The following FHIT variants were observed in gnomAD, a reference collection of about 807,000 sequenced individuals.
FHIT encodes the protein bis(5'-adenosyl)-triphosphatase.
In FHIT, 19 loss-of-function variants were observed where a neutral mutation model predicts 17.9. The observed-to-expected ratio is 1.06, with a 90% confidence interval of 0.74 to 1.56. The LOEUF (loss-of-function observed/expected upper bound fraction) is 1.56. FHIT is among the 40% of genes most tolerant of loss of function. The pLI, the probability that FHIT is intolerant of heterozygous loss-of-function variation, is 0.00. For synonymous variants in FHIT, 81 were observed against 69.7 expected (o/e 1.16, Z -0.81); for missense variants, 248 against 189.2 (o/e 1.31, Z -1.82).
intron 2 of FHIT, among the ~76,000 whole-genome samples, chr3:61,196,091 G>A (rs1296903669): frequency 1.3e-5 from 2 of 151,994 alleles, no homozygotes; most frequent in African/African-American, 4.8e-5. Flanking sequence ...TGGTAAGAGT[G>A]GAAAGGATCA....
At chr3:60,437,081 G>A (rs1175854098) in intron 5 of FHIT, among the ~76,000 whole-genome samples, 1 of 152,054 alleles carries the variant, frequency 6.6e-6, no homozygotes, top group African/African-American at 2.4e-5. Flanking sequence ...TCACAGGAGA[G>A]GCCAACTAAA....
intron 3 of FHIT, among the ~76,000 whole-genome samples, chr3:60,916,156 C>T (rs948468714): frequency 5.9e-5 from 9 of 152,104 alleles, no homozygotes; most frequent in African/African-American, 1.9e-4. Context: ...ACAGATTCTC[C>T]TATTGCTTGG....
At chr3:60,839,995 A>T (rs1390078216) in intron 3 of FHIT, among the ~76,000 whole-genome samples, 1 of 151,690 alleles carries the variant, frequency 6.6e-6, no homozygotes, top group Admixed American at 6.6e-5. Flanking sequence ...CTCAGAGGGG[A>T]CTTGATCTTA....
At chr3:60,411,574 T>G (rs1481744996) in intron 5 of FHIT, among the ~76,000 whole-genome samples, 1 of 152,168 alleles carries the variant, frequency 6.6e-6, no homozygotes, top group African/African-American at 2.4e-5. Flanking sequence ...TCTTTCTGGA[T>G]TGTGTCTTCT....
chr3:60,888,799 T>C (rs1705352617), intron 3 of FHIT, among the ~76,000 whole-genome samples: 1 of 152,220 alleles, frequency 6.6e-6, no homozygotes, highest in Non-Finnish European at 1.5e-5. Context: ...TATTTTGAGA[T>C]AATTATAGAT....
intron 4 of FHIT, among the ~76,000 whole-genome samples, chr3:60,539,726 G>A (rs2036117280): frequency 6.6e-6 from 1 of 152,034 alleles, no homozygotes; most frequent in African/African-American, 2.4e-5. Flanking sequence ...TCACTTATAG[G>A]TGGGAATTGA....
chr3:61,187,808 G>A (rs1202124466), intron 2 of FHIT, among the ~76,000 whole-genome samples: 1 of 152,208 alleles, frequency 6.6e-6, no homozygotes, highest in Non-Finnish European at 1.5e-5. Context: ...CATGGAAACT[G>A]AACAACCTGC....
At chr3:60,955,473 G>T (rs1467474825) in intron 3 of FHIT, among the ~76,000 whole-genome samples, 1 of 151,788 alleles carries the variant, frequency 6.6e-6, no homozygotes, top group Non-Finnish European at 1.5e-5. Context: ...CAAGTTCTAT[G>T]TATGCCATGA....
chr3:60,222,340 T>TA (rs1704001251), intron 5 of FHIT, among the ~76,000 whole-genome samples: 1 of 152,186 alleles, frequency 6.6e-6, no homozygotes, highest in African/African-American at 2.4e-5. Context: ...CTCCCTGTTC[T>TA]TCAACTTCAG....
rs139864190 is a variant in FHIT, at chr3:60,564,866, G to A, written c.-17-27887C>T. ...TACCAACTTGGTTGATAAAACAACA[G>A]CACTGTCAAAGACGATTAACTCTAA... On this transcript the variant is annotated intron_variant, in intron 4 of 9. Transcript: ENST00000492590. Among the ~76,000 whole-genome samples the A allele has an allele frequency of 1.0e-3, 159 of 152,278 alleles. 3 individuals carry two copies. Among genetic ancestry groups the A allele is most frequent in the South Asian group, 9.9e-3 (48 of 4,832 alleles).
chr3:60,081,407 T>C (rs1703278270), intron 5 of FHIT, among the ~76,000 whole-genome samples: 1 of 152,136 alleles, frequency 6.6e-6, no homozygotes, highest in African/African-American at 2.4e-5. Context: ...CTGATCCACT[T>C]ACTTCTCTGT....
chr3:60,267,844 T>C (rs1706663105), intron 5 of FHIT, among the ~76,000 whole-genome samples: 1 of 152,222 alleles, frequency 6.6e-6, no homozygotes, highest in Admixed American at 6.5e-5. Flanking sequence ...AGATGTGTGA[T>C]ATTCAGCCTA....
chr3:60,147,688 T>G (rs897388566), intron 5 of FHIT, among the ~76,000 whole-genome samples: 17 of 152,084 alleles, frequency 1.1e-4, no homozygotes, highest in Admixed American at 1.1e-3. Context: ...CTGAGCAAAT[T>G]TTTTTCCCCC....
intron 4 of FHIT, among the ~76,000 whole-genome samples, chr3:60,609,815 C>T (rs1238156256): frequency 6.6e-6 from 1 of 152,150 alleles, no homozygotes; most frequent in Non-Finnish European, 1.5e-5. Context: ...AATCTTCCTT[C>T]TATCAATCCG....
At chr3:60,053,145 C>T (rs1352477550) in intron 5 of FHIT, among the ~76,000 whole-genome samples, 1 of 151,824 alleles carries the variant, frequency 6.6e-6, no homozygotes, top group Non-Finnish European at 1.5e-5. Context: ...TGTTTTCCCT[C>T]TTTCTTAGCG....
chr3:59,908,704 G>C (rs1704700387), intron 8 of FHIT, among the ~76,000 whole-genome samples: 1 of 152,020 alleles, frequency 6.6e-6, no homozygotes, highest in African/African-American at 2.4e-5. Context: ...TTATAAGCCA[G>C]AATATGACTG....
At chr3:60,564,301 T>G (rs941026238) in intron 4 of FHIT, among the ~76,000 whole-genome samples, 1 of 152,172 alleles carries the variant, frequency 6.6e-6, no homozygotes, top group African/African-American at 2.4e-5. Flanking sequence ...TGCTTACTGA[T>G]GATGTACCTG....
At chr3:60,434,967 C>T (rs1033419226) in intron 5 of FHIT, among the ~76,000 whole-genome samples, 2 of 152,122 alleles carry the variant, frequency 1.3e-5, no homozygotes, top group African/African-American at 4.8e-5. Flanking sequence ...TCCACTGTGG[C>T]ATGTATCAAA....
At chr3:60,454,411 G>T (rs1331773719) in intron 5 of FHIT, among the ~76,000 whole-genome samples, 1 of 149,376 alleles carries the variant, frequency 6.7e-6, no homozygotes, top group Non-Finnish European at 1.5e-5. Flanking sequence ...TTGAGACAGA[G>T]CCTCACTCTG....
Sources: allele counts gnomAD v4.1 joint callset (sites outside exome capture counted in the v4.1 genomes callset), GRCh38; gene constraint gnomAD v4.1.1; transcripts MANE v1.5; gene names NCBI Gene and HGNC (gene_info 2026-07-23, HGNC 2026-07-21).